Variants in TMEM184C observed in about 807,000 individuals in gnomAD.
TMEM184C encodes transmembrane protein 184C, also known as transmembrane protein 34.
A neutral mutation model predicts 54.5 loss-of-function variants in TMEM184C; 25 were observed. The observed-to-expected ratio is 0.46, with a 90% CI of 0.33 to 0.64. The LOEUF (loss-of-function observed/expected upper bound fraction) is 0.64. TMEM184C is among the 30% of genes least tolerant of loss of function. The pLI, the probability that TMEM184C is intolerant of heterozygous loss-of-function variation, is 0.02. For missense variants in TMEM184C, 335 were observed against 520.3 expected, an observed-to-expected ratio of 0.64 and a Z score of 3.46; for synonymous variants, 148 against 181.5, an observed-to-expected ratio of 0.82 and a Z score of 1.49.
At chr4:147,633,046 T>C in intron 8 of TMEM184C, 44 bp downstream of exon 8, 2 of 1,534,960 alleles carry the variant, frequency 1.3e-6, no homozygotes, top group Non-Finnish European at 1.8e-6. Context: ...TTACTATTTG[T>C]TAAGCATTTT....
At chr4:147,630,048 AT>A (rs1282944549) in intron 6 of TMEM184C, among the ~76,000 whole-genome samples, 1 of 151,806 alleles carries the variant, frequency 6.6e-6, no homozygotes, top group Admixed American at 6.6e-5. Context: ...TACTGAACAT[AT>A]TCAGAAGAGA....
Position 147,617,938 on chromosome 4 carries a change from A to T in TMEM184C, c.-19A>T, listed in dbSNP as rs751936479. 1.2e-6 allele frequency: 2 copies of T among 1,613,908 alleles called. No homozygotes were observed. Among genetic ancestry groups the T allele is most frequent in the Non-Finnish European group, 1.7e-6 (2 of 1,179,876 alleles). On this transcript the variant is annotated 5_prime_UTR_variant, in exon 1 of 10. Coordinates refer to ENST00000296582, the MANE Select transcript of TMEM184C (RefSeq NM_018241.3). ...CGAGATCTTTTCCCTTGCTAACCGG[A>T]TCTGATTTGTGCGAAAACATGCCTT...
chr4:147,625,986 G>GA (rs1732808249), intron 4 of TMEM184C, among the ~76,000 whole-genome samples: 1 of 152,132 alleles, frequency 6.6e-6, no homozygotes. Context: ...GGAGAGAGGT[G>GA]AAATCATAGG....
chr4:147,624,391 T>C (rs755121527), intron 3 of TMEM184C, among the ~76,000 whole-genome samples: 31 of 150,198 alleles, frequency 2.1e-4, no homozygotes, highest in South Asian at 6.2e-4. Flanking sequence ...CGTCTTTTAT[T>C]TGAATCAAAA....
chr4:147,629,288 T>C (rs1578860574), intron 5 of TMEM184C, among the ~76,000 whole-genome samples: 1 of 152,124 alleles, frequency 6.6e-6, no homozygotes, highest in South Asian at 2.1e-4. Flanking sequence ...TAGTTGTTTT[T>C]TTTTAAATTT....
intron 1 of TMEM184C, among the ~76,000 whole-genome samples, chr4:147,622,619 A>G (rs1732732503): frequency 6.6e-6 from 1 of 152,172 alleles, no homozygotes; most frequent in African/African-American, 2.4e-5. Flanking sequence ...ACTGTACTCA[A>G]TTTTAAATGA....
Position 147,634,559 on chromosome 4 carries a change from G to C in TMEM184C, c.*125G>C. 1 of 1,055,402 alleles carries C rather than the reference G, an allele frequency of 9.5e-7. No homozygotes were observed. Among genetic ancestry groups the C allele is most frequent in the Non-Finnish European group, 1.4e-6 (1 of 735,710 alleles). The allele number at this position is 1,055,402 out of a possible 1,614,324, so 65.4% of individuals were successfully genotyped here. On this transcript the variant is annotated 3_prime_UTR_variant, in exon 10 of 10. Transcript: ENST00000296582. ...CAACACAAAAATAGCTGAAAGCCAG[G>C]TACAACTACTGCATTTATATATGTA...
At chr4:147,624,505 T>A (rs1732774254) in intron 3 of TMEM184C, among the ~76,000 whole-genome samples, 1 of 152,204 alleles carries the variant, frequency 6.6e-6, no homozygotes, top group Non-Finnish European at 1.5e-5. Flanking sequence ...TTATCTATGA[T>A]CATATTAAGA....
At chr4:147,632,112 G>A (rs1240800064) in intron 7 of TMEM184C, among the ~76,000 whole-genome samples, 1 of 150,954 alleles carries the variant, frequency 6.6e-6, no homozygotes, top group African/African-American at 2.4e-5. Flanking sequence ...GGCAGAGGTT[G>A]CGGTGAGCCA....
rs1277105039 is a variant in TMEM184C at position 147,624,903 on chromosome 4, A to G, written c.391A>G (p.Asn131Asp). 1 of 1,613,838 alleles carries G rather than the reference A, an allele frequency of 6.2e-7. No individual in the cohort carries two copies. Among genetic ancestry groups the G allele is most frequent in the African/African-American group, 1.3e-5 (1 of 74,934 alleles). ...VIYNFMGFLT[N>D]YLTNRYPNLV... ...TTACAACTTTATGGGATTCCTTACC[A>G]ATTATCTAACTAACCGGTATCCAAA... The change falls in exon 4 of 10, where the codon AAT becomes GAT. Residue 131 changes from asparagine (N) to aspartate (D), a missense_variant. Coordinates refer to ENST00000296582, the MANE Select transcript of TMEM184C (RefSeq NM_018241.3).
At chr4:147,631,259 C>T in intron 6 of TMEM184C, 134 bp from the exon 7 acceptor site, 1 of 577,074 alleles carries the variant, frequency 1.7e-6, no homozygotes, top group East Asian at 3.2e-5. Context: ...GCTTGTTAAT[C>T]TAAAAATAGA....
Position 147,636,259 on chromosome 4 carries a change from T to TG in TMEM184C, c.*1827dup, listed in dbSNP as rs1733040378. ...TATAGTAATCAAGACAGTATGGTAC[T>TG]GGTATAAAAACACATACACAGGCCA... is the stretch of plus-strand genomic sequence containing the variant. On this transcript the variant is annotated 3_prime_UTR_variant, in exon 10 of 10. Transcript: ENST00000296582. 1 of 152,168 alleles carries TG rather than the reference T, an allele frequency of 6.6e-6. No homozygotes were observed. The highest frequency in any genetic ancestry group is 6.5e-5 in the Admixed American group (1 of 15,278). 9.4% of individuals were successfully genotyped at this position (152,168 alleles called of 1,614,324 possible). A position where few individuals can be genotyped will look rare whatever the true frequency, so the allele number is the denominator to read the frequency against.
chr4:147,618,202 A>ACT (rs1302160268), intron 1 of TMEM184C, 123 bp downstream of exon 1: 7 of 1,386,466 alleles, frequency 5.0e-6, no homozygotes, highest in Non-Finnish European at 7.0e-6. Flanking sequence ...AAACGAGCCT[A>ACT]CTCTTAGGAT....
rs1003517279 is a variant in TMEM184C at position 147,617,631 on chromosome 4, A to C, written c.-326A>C. ...GCTGCTCTCCTGGAAGCCATGGTAC[A>C]GGCAGAGCTCAGGGCGATCCCCAGG... is the stretch of plus-strand genomic sequence containing the variant. On this transcript the variant is annotated 5_prime_UTR_variant, in exon 1 of 10. Coordinates refer to ENST00000296582, the MANE Select transcript of TMEM184C (RefSeq NM_018241.3). 3.1e-6 allele frequency: 1 copy of C among 326,910 alleles called. No homozygotes were observed. The highest frequency in any genetic ancestry group is 6.1e-6 in the Non-Finnish European group (1 of 163,784). 20.3% of individuals were successfully genotyped at this position (326,910 alleles called of 1,614,324 possible).
rs376679795 is a variant in TMEM184C at position 147,633,722 on chromosome 4, T to A, written c.880-43T>A. The A allele has an allele frequency of 6.1e-6, 9 of 1,476,958 alleles. No homozygotes were observed. The South Asian group carries it at 9.2e-5, about 15-fold the overall frequency. 91.5% of individuals were successfully genotyped at this position (1,476,958 alleles called of 1,614,324 possible). A position where few individuals can be genotyped will look rare whatever the true frequency, so the allele number is the denominator to read the frequency against. On this transcript the variant is annotated intron_variant, in intron 8 of 9. Transcript: ENST00000296582. ...AAAGATAGCACTCTACAAACCTAGA[T>A]TTAAATCCAAAGGTGGCTGTTATCT...
At chr4:147,619,613 A>G (rs889263905) in intron 1 of TMEM184C, among the ~76,000 whole-genome samples, 8 of 152,248 alleles carry the variant, frequency 5.3e-5, no homozygotes, top group African/African-American at 1.9e-4. Flanking sequence ...GCATCTTAAT[A>G]CAAATGGGAT....
chr4:147,633,530 G>C (rs1398991919), intron 8 of TMEM184C, among the ~76,000 whole-genome samples: 5 of 152,056 alleles, frequency 3.3e-5, no homozygotes, highest in South Asian at 2.1e-4. Flanking sequence ...TTGAATGCAG[G>C]AGTTCAAGGC....
rs1578864101 is a variant in TMEM184C at position 147,635,579 on chromosome 4, A to G, written c.*1145A>G. On this transcript the variant is annotated 3_prime_UTR_variant, in exon 10 of 10. Coordinates refer to ENST00000296582, the MANE Select transcript of TMEM184C (RefSeq NM_018241.3). Reference sequence around the variant, plus strand: ...AAAGCAAAGATGAGTATTGTTTCTCAAAGCCTTTGCTTTATGTATTTATAC... The same window carrying G: ...AAAGCAAAGATGAGTATTGTTTCTCGAAGCCTTTGCTTTATGTATTTATAC... The G allele has an allele frequency of 6.6e-6, 1 of 152,366 alleles. No homozygotes were observed. Among genetic ancestry groups the G allele is most frequent in the African/African-American group, 2.4e-5 (1 of 41,584 alleles). The allele number at this position is 152,366 out of a possible 1,614,324, so 9.4% of individuals were successfully genotyped here.
At chr4:147,627,028 A>G (rs1166798104) in intron 4 of TMEM184C, among the ~76,000 whole-genome samples, 1 of 152,208 alleles carries the variant, frequency 6.6e-6, no homozygotes, top group Non-Finnish European at 1.5e-5. Flanking sequence ...AGGCAGGCCA[A>G]GGCCTTAGTC....
Sources: allele counts gnomAD v4.1 joint callset (sites outside exome capture counted in the v4.1 genomes callset), GRCh38; gene constraint gnomAD v4.1.1; transcripts MANE v1.5; gene names NCBI Gene and HGNC (gene_info 2026-07-23, HGNC 2026-07-21).